TENM3: variants seen among roughly 807,000 people sequenced by gnomAD.
TENM3 encodes teneurin-3.
A neutral mutation model predicts 255.1 loss-of-function variants in TENM3; 63 were observed. The observed-to-expected ratio is 0.25, with a 90% CI of 0.20 to 0.30. The LOEUF (loss-of-function observed/expected upper bound fraction) is 0.30. Among genes scored for constraint, TENM3 ranks in the 10% least tolerant of loss-of-function variants. The pLI, the probability that TENM3 is intolerant of heterozygous loss-of-function variation, is 1.00. For missense variants in TENM3, 2,929 were observed against 3,461.1 expected (o/e 0.85, Z 3.86); for synonymous variants, 1,306 against 1,322.3 (o/e 0.99, Z 0.27).
At chr4:182,205,549 C>T (rs1438054382) in intron 1 of TENM3, among the ~76,000 whole-genome samples, 2 of 152,222 alleles carry the variant, frequency 1.3e-5, no homozygotes, top group Admixed American at 6.5e-5. Flanking sequence ...GACTGATTTA[C>T]ACCCAGCCTT....
At chr4:181,934,687 T>C in the TENM3 span, among the ~76,000 whole-genome samples, 1 of 152,170 alleles carries the variant, frequency 6.6e-6, no homozygotes, top group African/African-American at 2.4e-5. Flanking sequence ...CAATTCTTTT[T>C]CTTTTTTCTT....
chr4:181,831,738 G>C, the TENM3 span, among the ~76,000 whole-genome samples: 1 of 152,078 alleles, frequency 6.6e-6, no homozygotes, highest in Non-Finnish European at 1.5e-5. Flanking sequence ...AGGAGTGATT[G>C]AACCAATCAA....
At chr4:182,730,556 T>C (rs547070559) in intron 15 of TENM3, among the ~76,000 whole-genome samples, 2 of 152,352 alleles carry the variant, frequency 1.3e-5, no homozygotes, top group East Asian at 3.9e-4. Flanking sequence ...AGGAGAATGC[T>C]CTTTGTCTCA....
At chr4:182,469,713 CAA>C (rs397964405) in intron 3 of TENM3, among the ~76,000 whole-genome samples, 26 of 104,952 alleles carry the variant, frequency 2.5e-4, no homozygotes, top group East Asian at 2.7e-4. Flanking sequence ...GACTCTGTCT[CAA>C]AAAAAAAAAA....
intron 3 of TENM3, among the ~76,000 whole-genome samples, chr4:182,488,545 C>T (rs959388486): frequency 3.9e-5 from 6 of 151,960 alleles, no homozygotes; most frequent in African/African-American, 1.2e-4. Context: ...TCATTTTGTT[C>T]TTTTACTTAT....
At chr4:181,799,509 G>A in the TENM3 span, among the ~76,000 whole-genome samples, 1 of 152,096 alleles carries the variant, frequency 6.6e-6, no homozygotes, top group Non-Finnish European at 1.5e-5. Flanking sequence ...CTCCTCAATA[G>A]CATATTTATT....
the TENM3 span, among the ~76,000 whole-genome samples, chr4:182,085,811 A>G: frequency 2.0e-5 from 3 of 152,196 alleles, no homozygotes; most frequent in Admixed American, 6.5e-5. Flanking sequence ...AATGGAGCAT[A>G]TATTTTCTAC....
intron 4 of TENM3, among the ~76,000 whole-genome samples, chr4:182,618,292 G>C (rs1263281497): frequency 6.6e-6 from 1 of 151,956 alleles, no homozygotes. Flanking sequence ...TTATTAAACT[G>C]TATTCTTGAT....
At chr4:181,664,763 C>T in the TENM3 span, among the ~76,000 whole-genome samples, 1 of 152,130 alleles carries the variant, frequency 6.6e-6, no homozygotes, top group East Asian at 1.9e-4. Context: ...CTTTCTCCCT[C>T]CTGAGCTACT....
At chr4:182,311,349 T>G (rs553827276) in intron 1 of TENM3, among the ~76,000 whole-genome samples, 3 of 152,370 alleles carry the variant, frequency 2.0e-5, no homozygotes, top group African/African-American at 7.2e-5. Context: ...TTCATTGACT[T>G]TGTTAATACT....
the TENM3 span, among the ~76,000 whole-genome samples, chr4:181,715,518 T>C: frequency 3.9e-5 from 6 of 152,200 alleles, no homozygotes; most frequent in South Asian, 1.2e-3. Flanking sequence ...AAATCCATTA[T>C]TCCTAAATTC....
At position 182,658,355 on chromosome 4, in the gene TENM3, C is replaced by T. The variant is rs565534339; in HGVS notation, c.1111+4462C>T. Among the ~76,000 whole-genome samples, 6 of 152,268 alleles carry T rather than the reference C, an allele frequency of 3.9e-5. No homozygotes were observed. The South Asian group carries it at 6.2e-4, about 16-fold the overall frequency. On this transcript the variant is annotated intron_variant, in intron 6 of 27. Transcript: ENST00000511685. ...AATACTGCTGTTTCTCAGGACTCTG[C>T]GCTTGACAATATAATCACTCTGGAT... is the stretch of plus-strand genomic sequence containing the variant.
intron 7 of TENM3, among the ~76,000 whole-genome samples, chr4:182,675,521 G>A (rs527851506): frequency 4.6e-5 from 7 of 151,240 alleles, no homozygotes; most frequent in South Asian, 2.1e-4. Context: ...CAGCCTGGAC[G>A]ACAGGAGCAA....
the TENM3 span, among the ~76,000 whole-genome samples, chr4:182,031,201 T>G: frequency 6.6e-6 from 1 of 152,232 alleles, no homozygotes; most frequent in Non-Finnish European, 1.5e-5. Flanking sequence ...TCCATTTAAG[T>G]CTTTAATGCA....
At chr4:182,326,301 C>A (rs2150519293) in intron 2 of TENM3, among the ~76,000 whole-genome samples, 1 of 152,196 alleles carries the variant, frequency 6.6e-6, no homozygotes, top group Non-Finnish European at 1.5e-5. Context: ...TGAGGCAGCT[C>A]CCCTGGTGAG....
intron 6 of TENM3, among the ~76,000 whole-genome samples, chr4:182,667,021 C>T (rs1390042149): frequency 1.3e-5 from 2 of 152,074 alleles, no homozygotes; most frequent in Non-Finnish European, 2.9e-5. Context: ...GTGATATCTG[C>T]TTTATTGTGG....
At chr4:181,609,847 A>G in the TENM3 span, among the ~76,000 whole-genome samples, 16 of 152,174 alleles carry the variant, frequency 1.1e-4, no homozygotes, top group African/African-American at 3.6e-4. Context: ...TTTGAGCTCT[A>G]TATTTTAGAA....
the TENM3 span, among the ~76,000 whole-genome samples, chr4:181,564,008 GTTTTCTTTTCTTTTC>G: frequency 6.2e-5 from 8 of 128,574 alleles, no homozygotes; most frequent in Admixed American, 3.5e-4. Context: ...TGAAAATGAT[GTTTTCTTTTCTTTTC>G]TTTTCTTTTC....
the TENM3 span, among the ~76,000 whole-genome samples, chr4:181,545,468 T>C: frequency 6.6e-6 from 1 of 152,306 alleles, no homozygotes; most frequent in East Asian, 1.9e-4. Flanking sequence ...ATTAGGAGAT[T>C]AAAGGATCAC....
Sources: gnomAD v4.1 joint callset for allele counts (sites outside exome capture counted in the v4.1 genomes callset) on GRCh38, gnomAD v4.1.1 for gene constraint, MANE v1.5 for transcripts, NCBI Gene and HGNC (gene_info 2026-07-23, HGNC 2026-07-21) for gene names.